CDH13: variants seen among roughly 807,000 people sequenced by gnomAD.
CDH13 encodes the protein cadherin-13.
CDH13 carries 24 observed loss-of-function variants against 63.8 expected under a neutral mutation model. The observed-to-expected ratio is 0.38, with a 90% CI of 0.27 to 0.53. CDH13 has a LOEUF of 0.53. Among genes scored for constraint, CDH13 ranks in the 20% least tolerant of loss-of-function variants. The pLI is 0.85. For missense variants in CDH13, 1,049 were observed against 903.1 expected, an observed-to-expected ratio of 1.16 and a Z score of -2.07; for synonymous variants, 503 against 355.3, an observed-to-expected ratio of 1.42 and a Z score of -4.67.
chr16:83,166,729 T>C (rs571275036), intron 4 of CDH13, among the ~76,000 whole-genome samples: 12 of 152,312 alleles, frequency 7.9e-5, no homozygotes, highest in Non-Finnish European at 1.5e-4. Flanking sequence ...CTTTTAACTT[T>C]GTGTTGATAA....
At chr16:83,448,190 C>G (rs967959898) in intron 6 of CDH13, among the ~76,000 whole-genome samples, 7 of 151,798 alleles carry the variant, frequency 4.6e-5, no homozygotes, top group African/African-American at 1.5e-4. Context: ...ATCTCATGAT[C>G]TGAGTCTAGC....
chr16:83,267,990 C>A (rs1204964310), intron 5 of CDH13, among the ~76,000 whole-genome samples: 1 of 152,120 alleles, frequency 6.6e-6, no homozygotes, highest in Non-Finnish European at 1.5e-5. Context: ...AAGCTTTACT[C>A]ATTTAGAGAA....
rs71148831 is a variant in CDH13, at chr16:83,379,938, T to TAGAGAGAGAG, written c.781+34952_781+34961dup. Among the ~76,000 whole-genome samples, 220 of 123,434 alleles carry TAGAGAGAGAG rather than the reference T, an allele frequency of 1.8e-3. 2 individuals are homozygous for TAGAGAGAGAG. Among genetic ancestry groups the TAGAGAGAGAG allele is most frequent in the Non-Finnish European group, 2.0e-3 (120 of 61,132 alleles). The allele number at this position is 123,434 out of a possible 152,430, so 81.0% of individuals were successfully genotyped here. On this transcript the variant is annotated intron_variant, in intron 6 of 13. Coordinates refer to ENST00000567109, the MANE Select transcript of CDH13 (RefSeq NM_001257.5). ...GTGTGTGTATATATATATATATATA[T>TAGAGAGAGAG]AGAGAGAGAGAGAGAGAGAGAGAGA...
chr16:82,850,104 A>G (rs930187221), intron 1 of CDH13, among the ~76,000 whole-genome samples: 1 of 152,228 alleles, frequency 6.6e-6, no homozygotes, highest in Non-Finnish European at 1.5e-5. Flanking sequence ...AAAGAAATAC[A>G]TTTTGTAAGG....
At chr16:83,280,579 C>G (rs1194936551) in intron 5 of CDH13, among the ~76,000 whole-genome samples, 1 of 152,234 alleles carries the variant, frequency 6.6e-6, no homozygotes, top group South Asian at 2.1e-4. Context: ...TTATCATGAA[C>G]CAAGAATGTT....
At chr16:83,647,884 C>T (rs944411586) in intron 8 of CDH13, among the ~76,000 whole-genome samples, 1 of 152,110 alleles carries the variant, frequency 6.6e-6, no homozygotes, top group Non-Finnish European at 1.5e-5. Context: ...CCATTATGAT[C>T]CCTGTTAAAA....
chr16:83,324,536 C>T (rs2090316566), intron 5 of CDH13, among the ~76,000 whole-genome samples: 1 of 152,184 alleles, frequency 6.6e-6, no homozygotes, highest in African/African-American at 2.4e-5. Flanking sequence ...GTTCACTTAG[C>T]AAGATGTTTT....
intron 5 of CDH13, among the ~76,000 whole-genome samples, chr16:83,315,596 G>C (rs1384812592): frequency 1.3e-5 from 2 of 151,674 alleles, no homozygotes; most frequent in African/African-American, 4.8e-5. Context: ...ATTTGCTTCG[G>C]GGGAAAAATA....
intron 5 of CDH13, among the ~76,000 whole-genome samples, chr16:83,269,747 C>T (rs1423087815): frequency 6.6e-6 from 1 of 152,190 alleles, no homozygotes; most frequent in Non-Finnish European, 1.5e-5. Flanking sequence ...CTTCCCTTCT[C>T]CTAGCCTTGC....
intron 6 of CDH13, among the ~76,000 whole-genome samples, chr16:83,430,464 C>G (rs1251568984): frequency 6.6e-6 from 1 of 152,212 alleles, no homozygotes; most frequent in Non-Finnish European, 1.5e-5. Flanking sequence ...TTATTTACTT[C>G]CACTTTATTC....
intron 1 of CDH13, among the ~76,000 whole-genome samples, chr16:82,857,620 C>T (rs1035678954): frequency 6.6e-6 from 1 of 152,134 alleles, no homozygotes; most frequent in Non-Finnish European, 1.5e-5. Flanking sequence ...AGAACTGTGC[C>T]TTTGAAAGCA....
rs73606370 is a variant in CDH13, at chr16:83,202,540, C to T, written c.484-14805C>T. 6.5e-3 allele frequency among the ~76,000 whole-genome samples: 988 copies of T among 152,274 alleles called. 11 individuals carry two copies. The highest frequency in any genetic ancestry group is 0.023 in the African/African-American group (945 of 41,562). ...CAATGAAGGCACATGCAAGGCAGAACAGAATGTCAGGATTTCGGATGAAAA... is the reference window on the plus strand; with the variant it reads ...CAATGAAGGCACATGCAAGGCAGAATAGAATGTCAGGATTTCGGATGAAAA... On this transcript the variant is annotated intron_variant, in intron 4 of 13. Coordinates refer to ENST00000567109, the MANE Select transcript of CDH13 (RefSeq NM_001257.5).
chr16:83,198,524 A>C (rs1037051123), intron 4 of CDH13, among the ~76,000 whole-genome samples: 2 of 152,218 alleles, frequency 1.3e-5, no homozygotes, highest in African/African-American at 4.8e-5. Flanking sequence ...TCTCCAGTCC[A>C]GTGTACAGAC....
chr16:83,613,025 C>A (rs1908989887), intron 8 of CDH13, among the ~76,000 whole-genome samples: 1 of 152,028 alleles, frequency 6.6e-6, no homozygotes, highest in South Asian at 2.1e-4. Context: ...TAAAAAATGT[C>A]TTTTTTGCCA....
chr16:83,139,287 T>C (rs1478173706), intron 4 of CDH13, among the ~76,000 whole-genome samples: 1 of 152,232 alleles, frequency 6.6e-6, no homozygotes, highest in Non-Finnish European at 1.5e-5. Flanking sequence ...CCCTGACTCA[T>C]CCATGCCTAG....
At chr16:83,742,108 C>T (rs533008666) in intron 10 of CDH13, among the ~76,000 whole-genome samples, 4 of 152,342 alleles carry the variant, frequency 2.6e-5, no homozygotes, top group African/African-American at 7.2e-5. Context: ...TTCACCTTCC[C>T]ACCAATACTT....
chr16:82,982,287 C>G (rs1218883637), intron 2 of CDH13, among the ~76,000 whole-genome samples: 1 of 151,770 alleles, frequency 6.6e-6, no homozygotes, highest in East Asian at 1.9e-4. Context: ...GTTATTTATG[C>G]CAATAATATC....
At chr16:83,366,411 T>A (rs561429154) in intron 6 of CDH13, among the ~76,000 whole-genome samples, 9 of 152,298 alleles carry the variant, frequency 5.9e-5, no homozygotes, top group Admixed American at 3.3e-4. Context: ...GCTGACTGCA[T>A]TAAGGAGCTT....
At chr16:83,172,474 G>A (rs573028884) in intron 4 of CDH13, among the ~76,000 whole-genome samples, 10 of 152,016 alleles carry the variant, frequency 6.6e-5, no homozygotes, top group African/African-American at 2.4e-4. Flanking sequence ...CTAGGTGACA[G>A]AGAGACTCTG....
Sources: allele counts gnomAD v4.1 joint callset (sites outside exome capture counted in the v4.1 genomes callset), GRCh38; gene constraint gnomAD v4.1.1; transcripts MANE v1.5; gene names NCBI Gene and HGNC (gene_info 2026-07-23, HGNC 2026-07-21).